Variants in CAV1 observed in about 807,000 individuals in gnomAD.
CAV1 encodes the protein caveolin 1.
In CAV1, 10 loss-of-function variants were observed where a neutral mutation model predicts 16.5. The observed-to-expected ratio is 0.61, with a 90% CI of 0.37 to 1.03. The LOEUF is 1.03. CAV1 is among the 50% of genes least tolerant of loss of function. The pLI, the probability that CAV1 is intolerant of heterozygous loss-of-function variation, is 0.01. For synonymous variants in CAV1, 76 were observed against 85.1 expected (o/e 0.89, Z 0.59); for missense variants, 212 against 232.8 (o/e 0.91, Z 0.58).
At chr7:116,528,770 T>C (rs941710092) in intron 2 of CAV1, among the ~76,000 whole-genome samples, 5 of 152,140 alleles carry the variant, frequency 3.3e-5, no homozygotes, top group Non-Finnish European at 4.4e-5. Context: ...CAGTAAATAA[T>C]AAATTTCCCT....
intron 2 of CAV1, among the ~76,000 whole-genome samples, chr7:116,545,583 G>A (rs1166416156): frequency 6.6e-6 from 1 of 152,192 alleles, no homozygotes; most frequent in African/African-American, 2.4e-5. Context: ...CCAGCAATGA[G>A]GTAAGACGAA....
At chr7:116,557,326 G>A (rs1479237593) in intron 2 of CAV1, among the ~76,000 whole-genome samples, 1 of 152,142 alleles carries the variant, frequency 6.6e-6, no homozygotes, top group Non-Finnish European at 1.5e-5. Flanking sequence ...TGAATCAAAG[G>A]TGGCTCTTTG....
chr7:116,526,748 G>T (rs1429582200), intron 2 of CAV1, 59 bp downstream of exon 2: 3 of 1,599,682 alleles, frequency 1.9e-6, no homozygotes, highest in Non-Finnish European at 2.6e-6. Flanking sequence ...CAGTTAGCCC[G>T]TGCATCCTTC....
At chr7:116,534,372 TATATATATATATATATATATA>T (rs1430911915) in intron 2 of CAV1, among the ~76,000 whole-genome samples, 2 of 14,942 alleles carry the variant, frequency 1.3e-4, no homozygotes, top group Non-Finnish European at 1.6e-4. Flanking sequence ...GATATATATA[TATATATATATATATATATATA>T]TATTTTTTTT....
intron 2 of CAV1, among the ~76,000 whole-genome samples, chr7:116,546,827 A>T (rs993620806): frequency 2.0e-5 from 3 of 152,172 alleles, no homozygotes; most frequent in African/African-American, 7.2e-5. Context: ...TCCCTAAAAA[A>T]GTATCACAAG....
intron 1 of CAV1, chr7:116,525,917 G>A (rs1396080857): frequency 8.1e-6 from 7 of 861,842 alleles, no homozygotes; most frequent in African/African-American, 1.8e-5. Flanking sequence ...GCCGTGGAGG[G>A]ACAAGAGAGG....
chr7:116,525,940 T>G (rs1584765985), intron 1 of CAV1: 17 of 642,076 alleles, frequency 2.6e-5, no homozygotes, highest in Admixed American at 1.3e-4. Context: ...CGAGGCAGGG[T>G]GGGGGGCGCG....
In CAV1 at chr7:116,559,640, A is replaced by T. The variant is rs1042943107; in HGVS notation, c.*353A>T. On this transcript the variant is annotated 3_prime_UTR_variant, in exon 3 of 3. Coordinates refer to ENST00000341049, the MANE Select transcript of CAV1 (RefSeq NM_001753.5). ...AAAAAAAAAAAAAAGAAAAGAACCA[A>T]CAACCTCAACTGCCTACTCCAAAAT... 2 of 530,864 alleles carry T rather than the reference A, an allele frequency of 3.8e-6. No homozygotes were observed. Among genetic ancestry groups the T allele is most frequent in the South Asian group, 6.3e-5 (2 of 31,718 alleles). 32.9% of individuals were successfully genotyped at this position (530,864 alleles called of 1,614,324 possible).
chr7:116,559,436 T>A lies in CAV1; in HGVS notation c.*149T>A. ...AAAAAGATCACTTTCTCAGTTTTCA[T>A]AAGTATTATGTCTCTTCTGAGCTAT... On this transcript the variant is annotated 3_prime_UTR_variant, in exon 3 of 3. Coordinates refer to ENST00000341049, the MANE Select transcript of CAV1 (RefSeq NM_001753.5). 1 of 662,296 alleles carries A rather than the reference T, an allele frequency of 1.5e-6. No individual in the cohort carries two copies. The allele number at this position is 662,296 out of a possible 1,614,324, so 41.0% of individuals were successfully genotyped here. A position where few individuals can be genotyped will look rare whatever the true frequency, so the allele number is the denominator to read the frequency against.
intron 2 of CAV1, among the ~76,000 whole-genome samples, chr7:116,558,335 G>T (rs1794333075): frequency 6.6e-6 from 1 of 152,214 alleles, no homozygotes; most frequent in East Asian, 1.9e-4. Context: ...ACATCCATTT[G>T]GTTTTCTCTA....
At chr7:116,528,242 C>A (rs1241789472) in intron 2 of CAV1, among the ~76,000 whole-genome samples, 1 of 152,010 alleles carries the variant, frequency 6.6e-6, no homozygotes. Flanking sequence ...GTCAGAGAGG[C>A]CAACAGTGTG....
At chr7:116,526,748 G>A (rs1429582200) in intron 2 of CAV1, 59 bp downstream of exon 2, 6 of 1,599,680 alleles carry the variant, frequency 3.8e-6, no homozygotes, top group Admixed American at 1.7e-5. Context: ...CAGTTAGCCC[G>A]TGCATCCTTC....
intron 2 of CAV1, among the ~76,000 whole-genome samples, chr7:116,547,846 T>C (rs537225877): frequency 6.6e-6 from 1 of 152,274 alleles, no homozygotes; most frequent in South Asian, 2.1e-4. Context: ...CCCTAAGATA[T>C]AGGTACTATC....
intron 2 of CAV1, among the ~76,000 whole-genome samples, chr7:116,529,756 A>G (rs2115947755): frequency 6.6e-6 from 1 of 152,330 alleles, no homozygotes; most frequent in Admixed American, 6.5e-5. Flanking sequence ...TCTTACTAAA[A>G]GCTTGCTGCT....
Position 116,526,655 on chromosome 7 carries a change from G to A in CAV1, c.161G>A (p.Arg54His). 2.5e-6 allele frequency: 4 copies of A among 1,614,122 alleles called. No individual in the cohort carries two copies. The highest frequency in any genetic ancestry group is 3.4e-6 in the Non-Finnish European group (4 of 1,180,026). The change falls in exon 2 of 3, where the codon CGC becomes CAC. Residue 54 changes from arginine (R) to histidine (H), a missense_variant. Coordinates refer to ENST00000341049, the MANE Select transcript of CAV1 (RefSeq NM_001753.5). ...AHTKEIDLVN[R>H]DPKHLNDDVV... ...ACCAAGGAGATCGACCTGGTCAACC[G>A]CGACCCTAAACACCTCAACGATGAC...
At chr7:116,533,407 T>TA (rs1197336157) in intron 2 of CAV1, among the ~76,000 whole-genome samples, 17 of 147,588 alleles carry the variant, frequency 1.2e-4, no homozygotes, top group African/African-American at 4.3e-4. Context: ...TAAAATAAAA[T>TA]AAAAATAAAA....
intron 2 of CAV1, among the ~76,000 whole-genome samples, chr7:116,529,969 A>C (rs1309582540): frequency 6.6e-6 from 1 of 152,226 alleles, no homozygotes; most frequent in Non-Finnish European, 1.5e-5. Context: ...CTAGATAAAT[A>C]AAATGGCTTC....
Position 116,526,543 on chromosome 7 carries a change from C to G in CAV1, c.49C>G (p.Pro17Ala). 6.2e-7 allele frequency: 1 copy of G among 1,614,126 alleles called. No homozygotes were observed. Among genetic ancestry groups the G allele is most frequent in the Non-Finnish European group, 8.5e-7 (1 of 1,180,042 alleles). Residue 17 changes from proline to alanine, a missense_variant, in exon 2 of 3, where the codon CCC becomes GCC. Coordinates refer to ENST00000341049, the MANE Select transcript of CAV1 (RefSeq NM_001753.5). ...TCTGCAGGGACATCTCTACACCGTT[C>G]CCATCCGGGAACAGGGCAACATCTA... ...VDSEGHLYTV[P>A]IREQGNIYKP...
chr7:116,561,106 T>C lies in CAV1; in HGVS notation c.*1819T>C, dbSNP rs890194110. 2.0e-5 allele frequency: 3 copies of C among 152,646 alleles called. No homozygotes were observed. The highest frequency in any genetic ancestry group is 4.4e-5 in the Non-Finnish European group (3 of 68,042). 9.5% of individuals were successfully genotyped at this position (152,646 alleles called of 1,614,324 possible). A position where few individuals can be genotyped will look rare whatever the true frequency, so the allele number is the denominator to read the frequency against. On this transcript the variant is annotated 3_prime_UTR_variant, in exon 3 of 3. Transcript: ENST00000341049. ...CTGAAATTTTATATGCTTACTGATA[T>C]ATTTTACAATTTTTTATCATGCATG...
Sources: gnomAD v4.1 joint callset for allele counts (sites outside exome capture counted in the v4.1 genomes callset) on GRCh38, gnomAD v4.1.1 for gene constraint, MANE v1.5 for transcripts, NCBI Gene and HGNC (gene_info 2026-07-23, HGNC 2026-07-21) for gene names.